DERA: variants seen among roughly 807,000 people sequenced by gnomAD.
DERA encodes deoxyribose-phosphate aldolase, also known as 2-deoxy-D-ribose 5-phosphate aldolase.
DERA carries 15 observed loss-of-function variants against 41.1 expected under a neutral mutation model. The ratio of observed to expected loss-of-function variants is 0.37; its 90% CI spans 0.24 to 0.56. The LOEUF is 0.56. Among genes scored for constraint, DERA ranks in the 20% least tolerant of loss-of-function variants. The pLI is 0.81. For synonymous variants in DERA, 139 were observed against 137.4 expected (o/e 1.01, Z -0.08); for missense variants, 396 against 403.4 (o/e 0.98, Z 0.16).
intron 6 of DERA, among the ~76,000 whole-genome samples, chr12:16,006,565 A>AT (rs1948912341): frequency 6.6e-6 from 1 of 152,082 alleles, no homozygotes; most frequent in South Asian, 2.1e-4. Flanking sequence ...AACCTCATTC[A>AT]TTTCCACACG....
intron 1 of DERA, among the ~76,000 whole-genome samples, chr12:15,930,521 C>G (rs1034043363): frequency 1.3e-5 from 2 of 152,100 alleles, no homozygotes; most frequent in African/African-American, 4.8e-5. Context: ...TGGTACCATC[C>G]TATGACTATT....
At position 15,984,086 on chromosome 12, in the gene DERA, C is replaced by T. The variant is rs1029178041; in HGVS notation, c.637+1650C>T. 9.2e-5 allele frequency among the ~76,000 whole-genome samples: 14 copies of T among 152,262 alleles called. No homozygotes were observed. The highest frequency in any genetic ancestry group is 6.5e-4 in the Admixed American group (10 of 15,290). On this transcript the variant is annotated intron_variant, in intron 6 of 8. Transcript: ENST00000428559. The surrounding 1 kb of genome is among the most constrained non-coding windows in gnomAD (Gnocchi z 4.5). The stretch of plus-strand genomic sequence containing the variant: ...AGGTAACAAAGTAAAAGTTTGGAAA[C>T]GAATAACAGCAGCCACTTATAGGAC...
chr12:15,973,627 A>T (rs1450921821), intron 5 of DERA, among the ~76,000 whole-genome samples: 1 of 152,310 alleles, frequency 6.6e-6, no homozygotes, highest in East Asian at 1.9e-4. Flanking sequence ...AATAGCAAAA[A>T]ATCTGGAACC....
rs536843813 is a variant in DERA at position 15,926,602 on chromosome 12, G to A, written c.31+15188G>A. ...ATACAAAAAATTAGCCGGGCGTGGTGGCGGGCGCCTGTAGTCCCAGCTACT... is the reference window on the plus strand; with the variant it reads ...ATACAAAAAATTAGCCGGGCGTGGTAGCGGGCGCCTGTAGTCCCAGCTACT... On this transcript the variant is annotated intron_variant, in intron 1 of 8. Coordinates refer to ENST00000428559, the MANE Select transcript of DERA (RefSeq NM_015954.4). 1.8e-4 allele frequency among the ~76,000 whole-genome samples: 28 copies of A among 152,210 alleles called. No homozygotes were observed. In the South Asian group the frequency reaches 3.9e-3, roughly 21 times the overall value.
chr12:15,936,850 G>GTTGTCTTGTCTTGTCTTGTCTTGTC lies in DERA; in HGVS notation c.32-20070_32-20046dup, dbSNP rs71438362. The stretch of plus-strand genomic sequence containing the variant: ...CTTATTTCTGCATCTTCTGTCTTGT[G>GTTGTCTTGTCTTGTCTTGTCTTGTC]TTGTCTTGTCTTGTCTTGTCTTGTC... On this transcript the variant is annotated intron_variant, in intron 1 of 8. Transcript: ENST00000428559. The surrounding 1 kb of genome is among the most constrained non-coding windows in gnomAD (Gnocchi z 4.6). Among the ~76,000 whole-genome samples the GTTGTCTTGTCTTGTCTTGTCTTGTC allele has an allele frequency of 1.7e-4, 22 of 129,506 alleles. No individual in the cohort carries two copies. The highest frequency in any genetic ancestry group is 5.0e-4 in the African/African-American group (17 of 34,088). 85.0% of individuals were successfully genotyped at this position (129,506 alleles called of 152,430 possible).
At chr12:15,937,007 C>G (rs1350762925) in intron 1 of DERA, among the ~76,000 whole-genome samples, 2 of 151,434 alleles carry the variant, frequency 1.3e-5, no homozygotes, top group African/African-American at 2.4e-5. Flanking sequence ...GTATCTTGCT[C>G]TATTGCCCAA....
At position 15,959,620 on chromosome 12, in the gene DERA, T is replaced by C. The variant is rs1262749770; in HGVS notation, c.278-209T>C. On this transcript the variant is annotated intron_variant, in intron 3 of 8. Transcript: ENST00000428559. The surrounding 1 kb of genome is among the most constrained non-coding windows in gnomAD (Gnocchi z 4.5). ...GATGAGTATATCAAACTTGTTTTTA[T>C]GACTTTAACGATAAGAAAATAATCC... 6.6e-6 allele frequency among the ~76,000 whole-genome samples: 1 copy of C among 152,242 alleles called. No homozygotes were observed. The highest frequency in any genetic ancestry group is 2.4e-5 in the African/African-American group (1 of 41,470).
Position 15,967,256 on chromosome 12 carries a change from T to C in DERA, c.508+4309T>C, listed in dbSNP as rs150547778. ...CGCCTGTAGTCCCAGCTACTCAAGG[T>C]TGGGCCTGAGATGGGAGGATTCCTT... On this transcript the variant is annotated intron_variant, in intron 5 of 8. Transcript: ENST00000428559. The surrounding 1 kb of genome is among the most constrained non-coding windows in gnomAD (Gnocchi z 4.9). Among the ~76,000 whole-genome samples the C allele has an allele frequency of 5.6e-4, 85 of 151,816 alleles. No homozygotes were observed. The East Asian group carries it at 9.9e-3, about 18-fold the overall frequency.
At chr12:15,925,648 G>A (rs1400838709) in intron 1 of DERA, among the ~76,000 whole-genome samples, 3 of 152,020 alleles carry the variant, frequency 2.0e-5, no homozygotes, top group Non-Finnish European at 4.4e-5. Flanking sequence ...GATTTTCAAG[G>A]AAATCAGAAT....
chr12:16,008,515 TC>T lies in DERA; in HGVS notation c.638-24021del, dbSNP rs1205241055. Among the ~76,000 whole-genome samples, 2 of 152,154 alleles carry T rather than the reference TC, an allele frequency of 1.3e-5. No homozygotes were observed. The highest frequency in any genetic ancestry group is 2.9e-5 in the Non-Finnish European group (2 of 68,034). On this transcript the variant is annotated intron_variant, in intron 6 of 8. Transcript: ENST00000428559. This position sits in a 1 kb window ranked among gnomAD's most constrained non-coding sequence, Gnocchi z 4.8. ...GTCCCTGGTTGCAGAGTCTGAGTGA[TC>T]CCCCCAGTAAACTAATGTAGGATAT...
In DERA at chr12:15,993,480, CTTTTT is replaced by C. The variant is rs74499962; in HGVS notation, c.637+11055_637+11059del. Among the ~76,000 whole-genome samples, 3 of 135,142 alleles carry C rather than the reference CTTTTT, an allele frequency of 2.2e-5. No homozygotes were observed. Among genetic ancestry groups the C allele is most frequent in the African/African-American group, 8.3e-5 (3 of 35,992 alleles). 88.7% of individuals were successfully genotyped at this position (135,142 alleles called of 152,430 possible). A position where few individuals can be genotyped will look rare whatever the true frequency, so the allele number is the denominator to read the frequency against. On this transcript the variant is annotated intron_variant, in intron 6 of 8. Transcript: ENST00000428559. The surrounding 1 kb of genome is among the most constrained non-coding windows in gnomAD (Gnocchi z 4.4). ...ATCTAGACTCCTGTGGTGTTGTGGC[CTTTTT>C]TTTTTTTTTTAAAAAAAATAAGATC...
At position 15,970,322 on chromosome 12, in the gene DERA, A is replaced by G. The variant is rs909147173; in HGVS notation, c.508+7375A>G. 2.6e-5 allele frequency among the ~76,000 whole-genome samples: 4 copies of G among 152,224 alleles called. No individual in the cohort carries two copies. The highest frequency in any genetic ancestry group is 7.2e-5 in the African/African-American group (3 of 41,462). The stretch of plus-strand genomic sequence containing the variant: ...GCCTTTGAATAGCAGGAAATATAGA[A>G]GGAAATATACTTTATGACTTTTAGA... On this transcript the variant is annotated intron_variant, in intron 5 of 8. Coordinates refer to ENST00000428559, the MANE Select transcript of DERA (RefSeq NM_015954.4). This position sits in a 1 kb window ranked among gnomAD's most constrained non-coding sequence, Gnocchi z 4.3.
In DERA at chr12:16,025,970, C is replaced by T. The variant is rs532028742; in HGVS notation, c.638-6572C>T. On this transcript the variant is annotated intron_variant, in intron 6 of 8. Transcript: ENST00000428559. ...AATAACATATGGGTCAAATAAGTCT[C>T]AAGAGAAATTTTAAAATACTTTGAA... Among the ~76,000 whole-genome samples the T allele has an allele frequency of 2.8e-4, 43 of 152,094 alleles. No individual in the cohort carries two copies. The Middle Eastern group carries it at 0.01, about 36-fold the overall frequency.
intron 1 of DERA, among the ~76,000 whole-genome samples, chr12:15,951,987 C>T (rs767402048): frequency 3.9e-5 from 6 of 151,964 alleles, no homozygotes; most frequent in Non-Finnish European, 7.4e-5. Flanking sequence ...CTGCAACCTC[C>T]GCCTCCCAGG....
chr12:15,958,234 T>G lies in DERA; in HGVS notation c.176T>G (p.Leu59Arg). 2 of 1,592,546 alleles carry G rather than the reference T, an allele frequency of 1.3e-6. No homozygotes were observed. The highest frequency in any genetic ancestry group is 1.7e-6 in the Non-Finnish European group (2 of 1,168,378). ...KAVTFIDLTT[L>R]SGDDTSSNIQ... The stretch of plus-strand genomic sequence containing the variant: ...GTTACCTTTATAGATCTTACTACAC[T>G]TTCAGGTGATGATACATCTTCCAAC... Residue 59 changes from leucine to arginine, a missense_variant, in exon 3 of 9, where the codon CTT becomes CGT. By Grantham distance (102) the Leu-to-Arg change is moderately radical. Transcript: ENST00000428559.
chr12:15,961,650 G>C (rs1478732606), intron 4 of DERA, among the ~76,000 whole-genome samples: 1 of 152,200 alleles, frequency 6.6e-6, no homozygotes, highest in Non-Finnish European at 1.5e-5. Flanking sequence ...CACTTGTATA[G>C]ACCTTAATTT....
rs745562594 is a variant in DERA, at chr12:16,012,654, T to A, written c.638-19888T>A. Among the ~76,000 whole-genome samples the A allele has an allele frequency of 6.6e-6, 1 of 152,190 alleles. No homozygotes were observed. Among genetic ancestry groups the A allele is most frequent in the Non-Finnish European group, 1.5e-5 (1 of 68,040 alleles). ...ACCTCTAGGCAGAATTAAGCCTTTT[T>A]TCTCAATAAATTTTAAACCAACATT... is the stretch of plus-strand genomic sequence containing the variant. On this transcript the variant is annotated intron_variant, in intron 6 of 8. Coordinates refer to ENST00000428559, the MANE Select transcript of DERA (RefSeq NM_015954.4). The surrounding 1 kb of genome is among the most constrained non-coding windows in gnomAD (Gnocchi z 4.1).
chr12:15,999,779 A>G lies in DERA; in HGVS notation c.637+17343A>G, dbSNP rs1444996948. 6.6e-6 allele frequency among the ~76,000 whole-genome samples: 1 copy of G among 152,182 alleles called. No homozygotes were observed. The highest frequency in any genetic ancestry group is 1.9e-4 in the East Asian group (1 of 5,186). ...GACTGAGTAACTCATTCATTCATTC[A>G]TTTATTCAGTCGTTAGGATTTATTG... On this transcript the variant is annotated intron_variant, in intron 6 of 8. Transcript: ENST00000428559. The surrounding 1 kb of genome is among the most constrained non-coding windows in gnomAD (Gnocchi z 5.3).
chr12:15,923,701 C>CT (rs10641594), intron 1 of DERA, among the ~76,000 whole-genome samples: 69,418 of 146,008 alleles, frequency 0.48, 17,488 homozygotes, highest in East Asian at 0.68. Flanking sequence ...TATAGTCTTC[C>CT]TTTTTTTTTT....
Sources: gnomAD v4.1 joint callset for allele counts (sites outside exome capture counted in the v4.1 genomes callset) on GRCh38, gnomAD v4.1.1 for gene constraint, Gnocchi (gnomAD v3.1) non-coding constraint, MANE v1.5 for transcripts, NCBI Gene and HGNC (gene_info 2026-07-23, HGNC 2026-07-21) for gene names.